The following DRC3 variants were observed in gnomAD, a reference collection of about 807,000 sequenced individuals.
DRC3 encodes the protein leucine rich repeat containing 48.
A neutral mutation model predicts 57.6 loss-of-function variants in DRC3; 45 were observed. The observed-to-expected ratio is 0.78, with a 90% CI of 0.62 to 1.00. The LOEUF is 1.00. Ranked by LOEUF, DRC3 falls within the 50% of genes least tolerant of loss-of-function variation. The pLI, the probability that DRC3 is intolerant of heterozygous loss-of-function variation, is 0.00. For synonymous variants in DRC3, 257 were observed against 272.3 expected (o/e 0.94, Z 0.55); for missense variants, 655 against 675.2 (o/e 0.97, Z 0.33).
Position 18,016,101 on chromosome 17 carries a change from G to A in DRC3, c.1364G>A (p.Gly455Glu), listed in dbSNP as rs1205201855. The change falls in exon 13 of 14, where the codon GGG (glycine) becomes GAG (glutamate). Residue 455 changes from glycine to glutamate, a missense_variant. Transcript: ENST00000399187. The part of the protein sequence containing the change: ...VDKDTIVNAV[G>E]ASHDIHLLKI... ...AAAGATACGATTGTTAATGCTGTCG[G>A]GGCATCGCACGACATCCACCTCCTG... 1 of 1,613,754 alleles carries A rather than the reference G, an allele frequency of 6.2e-7. No individual in the cohort carries two copies. Among genetic ancestry groups the A allele is most frequent in the East Asian group, 2.2e-5 (1 of 44,886 alleles).
Position 17,983,904 on chromosome 17 carries a change from G to A in DRC3, c.237G>A (p.Lys79=), listed in dbSNP as rs776400400. The A allele has an allele frequency of 6.2e-7, 1 of 1,613,554 alleles. No homozygotes were observed. The highest frequency in any genetic ancestry group is 2.2e-5 in the East Asian group (1 of 44,880). ...KLQLDNNIIE[K]IEGLENLAHL... Reference sequence around the variant, plus strand: ...AGCTGGACAATAACATCATTGAGAAGATCGAGGGCCTGGAGAACCTCGCAC... The same window carrying A: ...AGCTGGACAATAACATCATTGAGAAAATCGAGGGCCTGGAGAACCTCGCAC... Residue 79 remains lysine (K), a synonymous_variant, in exon 4 of 14, where the codon AAG becomes AAA. Coordinates refer to ENST00000399187, the MANE Select transcript of DRC3 (RefSeq NM_031294.4).
At chr17:17,986,523 GCAGTGGCACAATCT>G (rs2042967016) in intron 4 of DRC3, among the ~76,000 whole-genome samples, 2 of 146,308 alleles carry the variant, frequency 1.4e-5, no homozygotes. Flanking sequence ...AGGCTGGAGT[GCAGTGGCACAATCT>G]CGGCTCACTC....
At chr17:18,005,248 T>G (rs1412575267) in intron 10 of DRC3, 1 of 152,282 alleles carries the variant, frequency 6.6e-6, no homozygotes, top group Non-Finnish European at 1.5e-5. Context: ...CCAGAACCCA[T>G]GTGCCATCCT....
At chr17:17,990,543 C>T (rs1018432813) in intron 5 of DRC3, among the ~76,000 whole-genome samples, 8 of 152,226 alleles carry the variant, frequency 5.3e-5, no homozygotes, top group Non-Finnish European at 8.8e-5. Context: ...TGCTCTTCTG[C>T]GGCTGGCTCC....
At chr17:17,997,015 C>G (rs1448006464) in intron 8 of DRC3, among the ~76,000 whole-genome samples, 1 of 152,136 alleles carries the variant, frequency 6.6e-6, no homozygotes, top group African/African-American at 2.4e-5. Flanking sequence ...CAGCTGAGCA[C>G]CAAGACAGGC....
At chr17:17,974,856 C>T (rs2042308422) in intron 2 of DRC3, among the ~76,000 whole-genome samples, 1 of 152,186 alleles carries the variant, frequency 6.6e-6, no homozygotes, top group Non-Finnish European at 1.5e-5. Flanking sequence ...TAAAGTCCGT[C>T]TGTTTTATTC....
At chr17:18,006,489 GC>G in intron 11 of DRC3, 1 of 565,656 alleles carries the variant, frequency 1.8e-6, no homozygotes, top group Non-Finnish European at 3.2e-6. Flanking sequence ...AGGAAATGAC[GC>G]CCCCTGTGTT....
intron 9 of DRC3, among the ~76,000 whole-genome samples, chr17:17,999,884 G>T (rs2145377327): frequency 6.6e-6 from 1 of 152,348 alleles, no homozygotes; most frequent in East Asian, 1.9e-4. Context: ...GGCCACTGGG[G>T]GATACGGTCT....
intron 4 of DRC3, among the ~76,000 whole-genome samples, chr17:17,987,177 T>C (rs2042999230): frequency 7.8e-6 from 1 of 128,708 alleles, no homozygotes; most frequent in African/African-American, 3.0e-5. Context: ...ATTGCGCCAC[T>C]GCACTCCAGT....
chr17:18,007,488 T>C (rs764591040), intron 12 of DRC3: 2 of 1,549,764 alleles, frequency 1.3e-6, no homozygotes, highest in South Asian at 2.4e-5. Flanking sequence ...AGATTTCCCC[T>C]GGAGGTCTTC....
intron 9 of DRC3, among the ~76,000 whole-genome samples, chr17:18,004,066 A>G (rs2043856439): frequency 1.3e-5 from 2 of 152,122 alleles, no homozygotes; most frequent in African/African-American, 2.4e-5. Flanking sequence ...AGCCTCTAAT[A>G]AAAACCTGAG....
intron 2 of DRC3, among the ~76,000 whole-genome samples, chr17:17,975,360 C>T (rs1041335757): frequency 6.6e-6 from 1 of 151,890 alleles, no homozygotes; most frequent in Non-Finnish European, 1.5e-5. Context: ...TACAGACATG[C>T]GCCACCATGC....
In DRC3 at chr17:17,994,382, C is replaced by T. The variant is rs762271823; in HGVS notation, c.675C>T (p.Asp225=). Residue 225 remains aspartate (D), a synonymous_variant, in exon 7 of 14, where the codon GAC becomes GAT. Coordinates refer to ENST00000399187, the MANE Select transcript of DRC3 (RefSeq NM_031294.4). ...ACCTGATGCAGGCCCAGCTGGAGGA[C>T]GAGCAGGCGCAGCGGGAGGAGCTAG... is the stretch of plus-strand genomic sequence containing the variant. ...QENLMQAQLE[D]EQAQREELEK... 21 of 1,554,442 alleles carry T rather than the reference C, an allele frequency of 1.4e-5. No individual in the cohort carries two copies. In the South Asian group the frequency reaches 1.7e-4, roughly 12 times the overall value.
Position 18,016,691 on chromosome 17 carries a change from G to C in DRC3, c.*20G>C. ...GACTAGATGAATGTCAGCCACAGGAGCTTCTTCAAAACATAGCACCAGCCC... is the reference window on the plus strand; with the variant it reads ...GACTAGATGAATGTCAGCCACAGGACCTTCTTCAAAACATAGCACCAGCCC... On this transcript the variant is annotated 3_prime_UTR_variant, in exon 14 of 14. Transcript: ENST00000399187. 6.5e-7 allele frequency: 1 copy of C among 1,537,430 alleles called. No individual in the cohort carries two copies. Among genetic ancestry groups the C allele is most frequent in the East Asian group, 2.2e-5 (1 of 44,462 alleles).
At chr17:17,983,785 T>C (rs759844997) in intron 3 of DRC3, 43 bp from the exon 4 acceptor site, 1 of 1,451,334 alleles carries the variant, frequency 6.9e-7, no homozygotes, top group Non-Finnish European at 9.6e-7. Context: ...AGCACAAAAC[T>C]CTGACCCTAA....
intron 5 of DRC3, chr17:17,989,686 T>C (rs1158773264): frequency 6.6e-6 from 1 of 152,198 alleles, no homozygotes; most frequent in East Asian, 1.9e-4. Context: ...GCCTCGGAAG[T>C]GTCCAGAATG....
At chr17:17,994,214 CTGCAGCATGGCAGA>C (rs1228354811) in intron 6 of DRC3, 71 bp from the exon 7 acceptor site, 86 of 1,508,436 alleles carry the variant, frequency 5.7e-5, no homozygotes, top group Non-Finnish European at 7.5e-5. Context: ...GCGCGGGAGG[CTGCAGCATGGCAGA>C]GGCGGCATGG....
At chr17:17,983,578 C>G (rs758031327) in intron 3 of DRC3, among the ~76,000 whole-genome samples, 2 of 152,142 alleles carry the variant, frequency 1.3e-5, no homozygotes, top group Non-Finnish European at 2.9e-5. Flanking sequence ...ACCCCAGCAA[C>G]TTTTTAGCTC....
intron 4 of DRC3, 104 bp downstream of exon 4, chr17:17,984,048 G>C (rs995853264): frequency 1.4e-6 from 1 of 707,476 alleles, no homozygotes; most frequent in Non-Finnish European, 2.4e-6. Flanking sequence ...TCAGCTGCTG[G>C]CCCATCATTA....
Sources: allele counts gnomAD v4.1 joint callset (sites outside exome capture counted in the v4.1 genomes callset), GRCh38; gene constraint gnomAD v4.1.1; transcripts MANE v1.5; gene names NCBI Gene and HGNC (gene_info 2026-07-23, HGNC 2026-07-21).